Variants in LYPD6B observed in about 807,000 individuals in gnomAD.
The protein encoded by LYPD6B is ly6/PLAUR domain-containing protein 6B.
A neutral mutation model predicts 22.8 loss-of-function variants in LYPD6B; 17 were observed. That is an observed-to-expected ratio of 0.75 (90% CI 0.51 to 1.12). The LOEUF is 1.12. Ranked by LOEUF, LYPD6B falls within the 50% of genes most tolerant of loss-of-function variation. LYPD6B has a pLI of 0.00. For synonymous variants in LYPD6B, 106 were observed against 91.6 expected (o/e 1.16, Z -0.90); for missense variants, 221 against 258.3 (o/e 0.86, Z 0.99).
intron 1 of LYPD6B, among the ~76,000 whole-genome samples, chr2:149,113,245 T>C (rs1274908851): frequency 1.3e-5 from 2 of 152,108 alleles, no homozygotes; most frequent in African/African-American, 2.4e-5. Flanking sequence ...TTTATAGAGT[T>C]CCCTTTCACT....
chr2:149,127,038 CTGT>C (rs1687740711), intron 1 of LYPD6B, among the ~76,000 whole-genome samples: 1 of 150,194 alleles, frequency 6.7e-6, no homozygotes, highest in Non-Finnish European at 1.5e-5. Flanking sequence ...TGATTTTATA[CTGT>C]TGTTGTTTTG....
intron 2 of LYPD6B, among the ~76,000 whole-genome samples, chr2:149,153,481 TAAG>T (rs77868029): frequency 0.13 from 19,559 of 151,960 alleles, 1,762 homozygotes; most frequent in African/African-American, 0.26. Flanking sequence ...GGAGAATAGT[TAAG>T]AAGAAGTCTT....
chr2:149,139,834 A>G (rs1455476274), intron 2 of LYPD6B, among the ~76,000 whole-genome samples: 1 of 152,214 alleles, frequency 6.6e-6, no homozygotes, highest in African/African-American at 2.4e-5. Flanking sequence ...TAATATGGAC[A>G]TAGTTGTGAA....
chr2:149,091,099 C>A (rs1685628562), intron 1 of LYPD6B, among the ~76,000 whole-genome samples: 1 of 152,116 alleles, frequency 6.6e-6, no homozygotes, highest in Non-Finnish European at 1.5e-5. Flanking sequence ...AATGCAGTAG[C>A]ATTAGCTTTG....
At chr2:149,170,006 T>C (rs542571816) in intron 3 of LYPD6B, among the ~76,000 whole-genome samples, 37 of 152,332 alleles carry the variant, frequency 2.4e-4, no homozygotes, top group African/African-American at 6.3e-4. Flanking sequence ...ATTATATAAA[T>C]GTGCCTTGGA....
chr2:149,176,146 G>A (rs1472998341), intron 3 of LYPD6B, among the ~76,000 whole-genome samples: 2 of 152,138 alleles, frequency 1.3e-5, no homozygotes, highest in African/African-American at 4.8e-5. Context: ...TGTTAGCAAT[G>A]CACTGTGCTA....
intron 6 of LYPD6B, among the ~76,000 whole-genome samples, chr2:149,213,988 C>T (rs190209937): frequency 1.2e-4 from 18 of 152,228 alleles, no homozygotes; most frequent in African/African-American, 3.1e-4. Flanking sequence ...GTACCTGGCA[C>T]GGTTTGGTAT....
At chr2:149,046,680 G>T (rs1183991739) in intron 1 of LYPD6B, among the ~76,000 whole-genome samples, 1 of 151,748 alleles carries the variant, frequency 6.6e-6, no homozygotes, top group Non-Finnish European at 1.5e-5. Flanking sequence ...CATTTTTTTA[G>T]TGATTGCTCT....
chr2:149,105,243 A>G (rs1686416369), intron 1 of LYPD6B, among the ~76,000 whole-genome samples: 1 of 152,074 alleles, frequency 6.6e-6, no homozygotes, highest in African/African-American at 2.4e-5. Flanking sequence ...TACTGCAGCT[A>G]TGTGATAAGT....
intron 1 of LYPD6B, among the ~76,000 whole-genome samples, chr2:149,049,764 TGAAA>T: frequency 6.6e-6 from 1 of 152,030 alleles, no homozygotes; most frequent in Non-Finnish European, 1.5e-5. Flanking sequence ...AGGTCACAGA[TGAAA>T]GAAAGATCAA....
At chr2:149,053,033 G>C (rs1306075772) in intron 1 of LYPD6B, among the ~76,000 whole-genome samples, 5 of 152,140 alleles carry the variant, frequency 3.3e-5, no homozygotes, top group African/African-American at 4.8e-5. Context: ...TGCAACTGAA[G>C]AGTTGAATTT....
At chr2:149,152,429 G>T (rs1689438178) in intron 2 of LYPD6B, among the ~76,000 whole-genome samples, 2 of 152,184 alleles carry the variant, frequency 1.3e-5, no homozygotes. Flanking sequence ...AACCAAAAGT[G>T]AGTGTCAAGC....
At chr2:149,176,179 A>G (rs2105959223) in intron 3 of LYPD6B, among the ~76,000 whole-genome samples, 1 of 152,328 alleles carries the variant, frequency 6.6e-6, no homozygotes, top group East Asian at 1.9e-4. Context: ...TATGAAGTCA[A>G]TAAGGGATAG....
intron 1 of LYPD6B, among the ~76,000 whole-genome samples, chr2:149,078,992 A>G (rs567945491): frequency 1.2e-4 from 18 of 149,644 alleles, no homozygotes; most frequent in Non-Finnish European, 2.4e-4. Flanking sequence ...GGGGCAACAG[A>G]GTGAGATCCT....
At chr2:149,103,389 G>A (rs545269871) in intron 1 of LYPD6B, among the ~76,000 whole-genome samples, 2 of 152,272 alleles carry the variant, frequency 1.3e-5, no homozygotes, top group Admixed American at 1.3e-4. Context: ...CCTAAATGCT[G>A]TTCAAGAAAA....
chr2:149,055,259 C>T (rs1428012906), intron 1 of LYPD6B, among the ~76,000 whole-genome samples: 1 of 152,194 alleles, frequency 6.6e-6, no homozygotes, highest in Non-Finnish European at 1.5e-5. Context: ...GTGCATCTGT[C>T]CTTGTTGGCA....
At chr2:149,153,451 A>G (rs1455679364) in intron 2 of LYPD6B, among the ~76,000 whole-genome samples, 1 of 151,782 alleles carries the variant, frequency 6.6e-6, no homozygotes, top group Middle Eastern at 3.4e-3. Context: ...GACATGTGGT[A>G]TGATCAGTAA....
chr2:149,129,272 T>A (rs1687882351), intron 1 of LYPD6B, among the ~76,000 whole-genome samples: 1 of 152,158 alleles, frequency 6.6e-6, no homozygotes, highest in African/African-American at 2.4e-5. Flanking sequence ...CAAATAAATT[T>A]AAGAGCTATA....
At chr2:149,148,732 T>C (rs1689184322) in intron 2 of LYPD6B, among the ~76,000 whole-genome samples, 1 of 152,230 alleles carries the variant, frequency 6.6e-6, no homozygotes, top group Non-Finnish European at 1.5e-5. Flanking sequence ...CCCCTCTCTG[T>C]GCCCTCTAGA....
Sources: allele counts gnomAD v4.1 joint callset (sites outside exome capture counted in the v4.1 genomes callset), GRCh38; gene constraint gnomAD v4.1.1; transcripts MANE v1.5; gene names NCBI Gene and HGNC (gene_info 2026-07-23, HGNC 2026-07-21).